Variants in KPNA6 observed in about 807,000 individuals in gnomAD.
KPNA6 encodes karyopherin subunit alpha 6.
Under a neutral mutation model 72.0 loss-of-function variants are expected in KPNA6, and 9 were observed. That is an observed-to-expected ratio of 0.13 (90% CI 0.08 to 0.22). KPNA6 has a LOEUF of 0.22. KPNA6 is among the 10% of genes least tolerant of loss of function. The probability of loss-of-function intolerance (pLI) is 1.00; values close to 1 mark genes in which losing one functional copy is unlikely to be tolerated. For missense variants in KPNA6, 374 were observed against 655.7 expected (o/e 0.57, Z 4.69); for synonymous variants, 219 against 242.1 (o/e 0.90, Z 0.89).
intron 1 of KPNA6, among the ~76,000 whole-genome samples, chr1:32,124,088 T>C (rs1291651833): frequency 7.0e-6 from 1 of 142,320 alleles, no homozygotes; most frequent in East Asian, 2.0e-4. Context: ...AGGTTAAAAA[T>C]TTTTAACCCA....
intron 5 of KPNA6, among the ~76,000 whole-genome samples, 194 bp downstream of exon 5, chr1:32,158,555 T>C (rs1642184862): frequency 1.3e-5 from 2 of 152,214 alleles, no homozygotes; most frequent in South Asian, 4.1e-4. Flanking sequence ...TTATACACTT[T>C]AAGTTATTTT....
In KPNA6 at chr1:32,156,877, C is replaced by A. The variant is rs1570056729; in HGVS notation, c.163C>A (p.Leu55Met). ...GCTTTTTAAACGGAGAAATGTGGAG[C>A]TGATTAATGAAGAAGCTGCCATGTT... ...QQLFKRRNVELINEEAAMFDS... is the reference protein window; with the variant it reads ...QQLFKRRNVEMINEEAAMFDS... Residue 55 changes from leucine to methionine, a missense_variant, in exon 3 of 14, where the codon CTG becomes ATG. Around this residue, in one of 3 missense-constraint regions of KPNA6, gnomAD observed 298 missense variants for 495.4 expected, o/e 0.60. Coordinates refer to ENST00000373625, the MANE Select transcript of KPNA6 (RefSeq NM_012316.5). 1 of 1,613,956 alleles carries A rather than the reference C, an allele frequency of 6.2e-7. No individual in the cohort carries two copies. The highest frequency in any genetic ancestry group is 1.3e-5 in the African/African-American group (1 of 75,024).
chr1:32,108,179 G>C, intron 1 of KPNA6, 45 bp downstream of exon 1: 2 of 1,613,304 alleles, frequency 1.2e-6, no homozygotes, highest in Non-Finnish European at 1.7e-6. Context: ...CTCAGGGAGT[G>C]TCGGGGCCTG....
At chr1:32,162,564 C>T (rs758295546) in intron 9 of KPNA6, 40 bp downstream of exon 9, 4 of 1,608,498 alleles carry the variant, frequency 2.5e-6, no homozygotes, top group South Asian at 1.1e-5. Context: ...TGGCTGGGCA[C>T]GGTGGCTTAT....
At chr1:32,144,454 C>A (rs1176278166) in intron 1 of KPNA6, among the ~76,000 whole-genome samples, 1 of 152,146 alleles carries the variant, frequency 6.6e-6, no homozygotes, top group African/African-American at 2.4e-5. Context: ...AGGGAGAAAT[C>A]GTATAAAAGT....
chr1:32,119,547 G>T (rs974737916), intron 1 of KPNA6, among the ~76,000 whole-genome samples: 1 of 152,066 alleles, frequency 6.6e-6, no homozygotes, highest in East Asian at 1.9e-4. Context: ...CCTCTTTCTG[G>T]TGAAGTCCCA....
In KPNA6 at chr1:32,169,819, C is replaced by T. The variant is rs1642405338; in HGVS notation, c.1245-63C>T. ...AGAGTGGGTTGCTGAGAGTTCAGAG[C>T]ACCTGCCCAGCACTTCATGTGTCCT... On this transcript the variant is annotated intron_variant, in intron 12 of 13. Coordinates refer to ENST00000373625, the MANE Select transcript of KPNA6 (RefSeq NM_012316.5). 9 of 1,433,060 alleles carry T rather than the reference C, an allele frequency of 6.3e-6. No homozygotes were observed. The South Asian group carries it at 1.0e-4, about 17-fold the overall frequency. The allele number at this position is 1,433,060 out of a possible 1,614,324, so 88.8% of individuals were successfully genotyped here.
intron 1 of KPNA6, among the ~76,000 whole-genome samples, chr1:32,135,395 G>A (rs1641716651): frequency 6.6e-6 from 1 of 151,770 alleles, no homozygotes; most frequent in African/African-American, 2.4e-5. Context: ...ACAGGGTTTT[G>A]GCATGTTGGC....
chr1:32,114,451 A>AAAT (rs982175711), intron 1 of KPNA6, among the ~76,000 whole-genome samples: 15 of 145,520 alleles, frequency 1.0e-4, no homozygotes, highest in South Asian at 6.5e-4. Context: ...CAAAAAAAAA[A>AAAT]ATATATATAT....
At chr1:32,169,660 C>G (rs78225574) in intron 12 of KPNA6, among the ~76,000 whole-genome samples, 1 of 149,610 alleles carries the variant, frequency 6.7e-6, no homozygotes, top group African/African-American at 2.5e-5. Flanking sequence ...CGGGGTTTCA[C>G]CATGTTAGCC....
At chr1:32,148,173 C>T (rs756997458) in intron 1 of KPNA6, among the ~76,000 whole-genome samples, 2 of 151,982 alleles carry the variant, frequency 1.3e-5, no homozygotes, top group African/African-American at 2.4e-5. Flanking sequence ...GGCATGATCT[C>T]GGCTCAATGC....
chr1:32,138,608 G>T (rs1217191361), intron 1 of KPNA6, among the ~76,000 whole-genome samples: 1 of 151,936 alleles, frequency 6.6e-6, no homozygotes, highest in Admixed American at 6.6e-5. Context: ...TGGAGTGGGG[G>T]CTCCTCCTGC....
chr1:32,126,127 C>T (rs1641530837), intron 1 of KPNA6, among the ~76,000 whole-genome samples: 1 of 151,864 alleles, frequency 6.6e-6, no homozygotes, highest in African/African-American at 2.4e-5. Flanking sequence ...CTCAAGCAAT[C>T]CTCCTGCCTC....
At chr1:32,118,578 T>C (rs1641367186) in intron 1 of KPNA6, among the ~76,000 whole-genome samples, 1 of 151,946 alleles carries the variant, frequency 6.6e-6, no homozygotes, top group Admixed American at 6.6e-5. Context: ...GAGGATTGGT[T>C]GAGGCAAGGA....
At chr1:32,148,019 T>G (rs554867130) in intron 1 of KPNA6, among the ~76,000 whole-genome samples, 20 of 152,308 alleles carry the variant, frequency 1.3e-4, no homozygotes, top group Non-Finnish European at 2.5e-4. Flanking sequence ...TGGGCATCTT[T>G]GTATGTGATA....
chr1:32,108,077 C>G lies in KPNA6; in HGVS notation c.-54C>G, dbSNP rs1002597045. Reference sequence around the variant, plus strand: ...CGCCATATTGTCTACTGAAAGCTGCCGCTGAAGCTGCCGCCGTTGCCTCCG... The same window carrying G: ...CGCCATATTGTCTACTGAAAGCTGCGGCTGAAGCTGCCGCCGTTGCCTCCG... On this transcript the variant is annotated 5_prime_UTR_variant, in exon 1 of 14. Coordinates refer to ENST00000373625, the MANE Select transcript of KPNA6 (RefSeq NM_012316.5). 67 of 1,613,564 alleles carry G rather than the reference C, an allele frequency of 4.2e-5. No individual in the cohort carries two copies. Among genetic ancestry groups the G allele is most frequent in the Non-Finnish European group, 5.4e-5 (64 of 1,179,684 alleles).
chr1:32,149,148 C>T (rs980000136), intron 1 of KPNA6, among the ~76,000 whole-genome samples: 2 of 151,840 alleles, frequency 1.3e-5, no homozygotes, highest in African/African-American at 4.8e-5. Context: ...CTGTTGAACC[C>T]CTCTAGTGAA....
At chr1:32,118,997 C>CACATATATATATAT (rs1317948681) in intron 1 of KPNA6, among the ~76,000 whole-genome samples, 2 of 59,798 alleles carry the variant, frequency 3.3e-5, no homozygotes, top group Non-Finnish European at 2.9e-5. Flanking sequence ...TGTGTGTATA[C>CACATATATATATAT]ATATATATAT....
intron 1 of KPNA6, among the ~76,000 whole-genome samples, chr1:32,134,918 T>C (rs1174735911): frequency 2.0e-5 from 3 of 151,314 alleles, no homozygotes; most frequent in Non-Finnish European, 2.9e-5. Flanking sequence ...TTTTTTTTTT[T>C]CCTTCGAGAT....
Sources: gnomAD v4.1 joint callset for allele counts (sites outside exome capture counted in the v4.1 genomes callset) on GRCh38, gnomAD v4.1.1 for gene constraint, gnomAD v4.1.1 regional missense constraint, MANE v1.5 for transcripts, NCBI Gene and HGNC (gene_info 2026-07-23, HGNC 2026-07-21) for gene names.